Variants in IHH observed in about 807,000 individuals in gnomAD.
IHH encodes indian hedgehog protein.
A neutral mutation model predicts 29.4 loss-of-function variants in IHH; 9 were observed. That is an observed-to-expected ratio of 0.31 (90% CI 0.18 to 0.53). The LOEUF is 0.53. IHH is among the 20% of genes least tolerant of loss of function. The pLI, the probability that IHH is intolerant of heterozygous loss-of-function variation, is 0.95. For synonymous variants in IHH, 254 were observed against 252.7 expected (o/e 1.01, Z -0.05); for missense variants, 454 against 578.1 (o/e 0.79, Z 2.20).
rs1948865953 is a variant in IHH at position 219,059,946 on chromosome 2, A to T, written c.315+207T>A. ...GGGCTTGGCAGCGGGGAGCTCTTCT[A>T]GCAGTCTCCTCCGGGCTTGGGGATG... On this transcript the variant is annotated intron_variant, in intron 1 of 2. Coordinates refer to ENST00000295731, the MANE Select transcript of IHH (RefSeq NM_002181.4). The surrounding 1 kb of genome is among the most constrained non-coding windows in gnomAD (Gnocchi z 4.7). 6.6e-6 allele frequency among the ~76,000 whole-genome samples: 1 copy of T among 152,102 alleles called. No homozygotes were observed. The highest frequency in any genetic ancestry group is 2.4e-5 in the African/African-American group (1 of 41,418).
At chr2:219,058,214 T>C (rs886316572) in intron 1 of IHH, among the ~76,000 whole-genome samples, 3 of 151,878 alleles carry the variant, frequency 2.0e-5, no homozygotes, top group Admixed American at 6.6e-5. Flanking sequence ...CGACAGGCTC[T>C]GGAGGCGCGG....
At position 219,059,566 on chromosome 2, in the gene IHH, G is replaced by C. The variant is rs1948863036; in HGVS notation, c.315+587C>G. ...CTCAGCTCTCCGGACAGACACGTGG[G>C]CTCGCTGGGCAGGTTCCTTTTCCCA... is the stretch of plus-strand genomic sequence containing the variant. On this transcript the variant is annotated intron_variant, in intron 1 of 2. Transcript: ENST00000295731. The surrounding 1 kb of genome is among the most constrained non-coding windows in gnomAD (Gnocchi z 4.7). Among the ~76,000 whole-genome samples, 1 of 152,080 alleles carries C rather than the reference G, an allele frequency of 6.6e-6. No homozygotes were observed. The highest frequency in any genetic ancestry group is 2.1e-4 in the South Asian group (1 of 4,826).
rs1948865245 is a variant in IHH at position 219,059,852 on chromosome 2, G to A, written c.315+301C>T. On this transcript the variant is annotated intron_variant, in intron 1 of 2. Coordinates refer to ENST00000295731, the MANE Select transcript of IHH (RefSeq NM_002181.4). This position sits in a 1 kb window ranked among gnomAD's most constrained non-coding sequence, Gnocchi z 4.7. ...GAGGCAGCCGGGTAGAGGTACCTCC[G>A]GGTGCAGCGTCTGGCTGAGCTGCCA... 6.6e-6 allele frequency among the ~76,000 whole-genome samples: 1 copy of A among 152,220 alleles called. No homozygotes were observed. Among genetic ancestry groups the A allele is most frequent in the Non-Finnish European group, 1.5e-5 (1 of 68,042 alleles).
In IHH at chr2:219,060,272, G is replaced by A. The variant is rs760689652; in HGVS notation, c.196C>T (p.Arg66Cys). 1.2e-6 allele frequency: 2 copies of A among 1,613,494 alleles called. No individual in the cohort carries two copies. Among genetic ancestry groups the A allele is most frequent in the Non-Finnish European group, 1.7e-6 (2 of 1,179,886 alleles). ...CTGCGAGCGATCTTGCCTTCATAGCGTCCGCTGGCGCCCAGGGTCTTCTCG... is the reference window on the plus strand; with the variant it reads ...CTGCGAGCGATCTTGCCTTCATAGCATCCGCTGGCGCCCAGGGTCTTCTCG... Reference protein sequence around the residue: ...VPEKTLGASGRYEGKIARSSE... With the variant: ...VPEKTLGASGCYEGKIARSSE... The change falls in exon 1 of 3, where the codon CGC becomes TGC. Residue 66 changes from arginine to cysteine, a missense_variant. Coordinates refer to ENST00000295731, the MANE Select transcript of IHH (RefSeq NM_002181.4). This position sits in a 1 kb window ranked among gnomAD's most constrained non-coding sequence, Gnocchi z 8.8.
chr2:219,058,961 G>A (rs1487082844), intron 1 of IHH, among the ~76,000 whole-genome samples: 1 of 152,154 alleles, frequency 6.6e-6, no homozygotes. Context: ...TTGCTCCTTC[G>A]TAGACCCTGC....
In IHH at chr2:219,055,125, C is replaced by T. The variant is rs1948817628; in HGVS notation, c.*82G>A. On this transcript the variant is annotated 3_prime_UTR_variant, in exon 3 of 3. Transcript: ENST00000295731. ...GGAGCCAGTGTCCCCCAGCTCAGGT[C>T]CCTTCCAGGGCCAGCTCCCTCCTGG... 3 of 1,450,894 alleles carry T rather than the reference C, an allele frequency of 2.1e-6. No homozygotes were observed. Among genetic ancestry groups the T allele is most frequent in the African/African-American group, 1.4e-5 (1 of 71,018 alleles). The allele number at this position is 1,450,894 out of a possible 1,614,324, so 89.9% of individuals were successfully genotyped here. A position where few individuals can be genotyped will look rare whatever the true frequency, so the allele number is the denominator to read the frequency against.
Position 219,057,694 on chromosome 2 carries a change from G to C in IHH, c.316C>G (p.Arg106Gly). The C allele has an allele frequency of 6.2e-7, 1 of 1,605,720 alleles. No homozygotes were observed. Among genetic ancestry groups the C allele is most frequent in the Non-Finnish European group, 8.5e-7 (1 of 1,179,960 alleles). ...AGCGAGTTCAGGCGGTCCTTGCAGC[G>C]CTGGGAGAGGAATGTGCGCGAAATC... ...NTGADRLMTQ[R>G]CKDRLNSLAI... The change falls in exon 2 of 3, where the codon CGC becomes GGC. Residue 106 changes from arginine (R) to glycine (G), a missense_variant and splice_region_variant. By Grantham distance (125) the Arg-to-Gly change is moderately radical (BLOSUM62 -2). This residue lies in a region of IHH where 70 missense variants were observed against 140.1 expected (regional missense o/e 0.50). Coordinates refer to ENST00000295731, the MANE Select transcript of IHH (RefSeq NM_002181.4).
Position 219,055,124 on chromosome 2 carries a change from T to A in IHH, c.*83A>T, listed in dbSNP as rs538403599. Reference sequence around the variant, plus strand: ...AGGAGCCAGTGTCCCCCAGCTCAGGTCCCTTCCAGGGCCAGCTCCCTCCTG... The same window carrying A: ...AGGAGCCAGTGTCCCCCAGCTCAGGACCCTTCCAGGGCCAGCTCCCTCCTG... On this transcript the variant is annotated 3_prime_UTR_variant, in exon 3 of 3. Transcript: ENST00000295731. 3.1e-3 allele frequency: 4,514 copies of A among 1,443,034 alleles called. 16 individuals are homozygous for A. The highest frequency in any genetic ancestry group is 3.6e-3 in the Non-Finnish European group (3,794 of 1,052,560). 89.4% of individuals were successfully genotyped at this position (1,443,034 alleles called of 1,614,324 possible). A position where few individuals can be genotyped will look rare whatever the true frequency, so the allele number is the denominator to read the frequency against.
intron 2 of IHH, among the ~76,000 whole-genome samples, chr2:219,056,499 T>C (rs1948832275): frequency 6.6e-6 from 1 of 152,082 alleles, no homozygotes; most frequent in African/African-American, 2.4e-5. Context: ...GAGTAATGAA[T>C]GGAAGTGGTT....
chr2:219,059,953 T>C lies in IHH; in HGVS notation c.315+200A>G, dbSNP rs1273265597. On this transcript the variant is annotated intron_variant, in intron 1 of 2. Coordinates refer to ENST00000295731, the MANE Select transcript of IHH (RefSeq NM_002181.4). This position sits in a 1 kb window ranked among gnomAD's most constrained non-coding sequence, Gnocchi z 4.7. ...GCAGCGGGGAGCTCTTCTAGCAGTC[T>C]CCTCCGGGCTTGGGGATGCCGACAC... Among the ~76,000 whole-genome samples the C allele has an allele frequency of 6.6e-6, 1 of 151,982 alleles. No homozygotes were observed. The highest frequency in any genetic ancestry group is 1.5e-5 in the Non-Finnish European group (1 of 67,968).
intron 1 of IHH, among the ~76,000 whole-genome samples, chr2:219,058,449 G>T (rs1047179523): frequency 6.6e-6 from 1 of 152,180 alleles, no homozygotes; most frequent in Non-Finnish European, 1.5e-5. Flanking sequence ...TCTGCAAGGC[G>T]CAAAAGGGGC....
chr2:219,055,906 C>T, intron 2 of IHH, 41 bp from the exon 3 acceptor site: 1 of 1,576,894 alleles, frequency 6.3e-7, no homozygotes, highest in African/African-American at 1.3e-5. Flanking sequence ...TGCTGTGCAG[C>T]TCAGCCTCCT....
At chr2:219,057,758 C>T in intron 1 of IHH, 64 bp from the exon 2 acceptor site, 1 of 1,585,988 alleles carries the variant, frequency 6.3e-7, no homozygotes, top group South Asian at 1.1e-5. Flanking sequence ...GGCCGAGGTG[C>T]AGGTGTAGGC....
chr2:219,056,830 C>A (rs913900929), intron 2 of IHH, among the ~76,000 whole-genome samples: 1 of 152,206 alleles, frequency 6.6e-6, no homozygotes, highest in Non-Finnish European at 1.5e-5. Context: ...CCAGTGCCTG[C>A]CAATTCTGAT....
Position 219,059,978 on chromosome 2 carries a change from C to A in IHH, c.315+175G>T, listed in dbSNP as rs1410961089. Among the ~76,000 whole-genome samples, 1 of 152,162 alleles carries A rather than the reference C, an allele frequency of 6.6e-6. No individual in the cohort carries two copies. Among genetic ancestry groups the A allele is most frequent in the Non-Finnish European group, 1.5e-5 (1 of 68,018 alleles). ...TCCTCCGGGCTTGGGGATGCCGACA[C>A]TCCTGCCTGGACCCCTGGCCAGCCC... On this transcript the variant is annotated intron_variant, in intron 1 of 2. Coordinates refer to ENST00000295731, the MANE Select transcript of IHH (RefSeq NM_002181.4). The surrounding 1 kb of genome is among the most constrained non-coding windows in gnomAD (Gnocchi z 4.7).
chr2:219,057,725 G>C (rs1559179768), intron 1 of IHH, 31 bp from the exon 2 acceptor site: 1 of 1,601,072 alleles, frequency 6.2e-7, no homozygotes, highest in Non-Finnish European at 8.5e-7. Context: ...AAATCAACCA[G>C]AGCGAAATCA....
intron 2 of IHH, among the ~76,000 whole-genome samples, chr2:219,056,336 A>G (rs1231485075): frequency 6.6e-6 from 1 of 152,028 alleles, no homozygotes; most frequent in East Asian, 1.9e-4. Context: ...GCAAAGGCAG[A>G]CTCCTGGGCA....
chr2:219,054,520 G>A lies in IHH; in HGVS notation c.*687C>T, dbSNP rs2106306338. 1 of 152,718 alleles carries A rather than the reference G, an allele frequency of 6.5e-6. No homozygotes were observed. The highest frequency in any genetic ancestry group is 2.4e-5 in the African/African-American group (1 of 41,518). 9.5% of individuals were successfully genotyped at this position (152,718 alleles called of 1,614,324 possible). A position where few individuals can be genotyped will look rare whatever the true frequency, so the allele number is the denominator to read the frequency against. ...CTTCCCCCTCCACTCCAATAAATAA[G>A]GTATGGGAGACTGACCGGCGGAGGG... On this transcript the variant is annotated 3_prime_UTR_variant, in exon 3 of 3. Transcript: ENST00000295731.
intron 1 of IHH, chr2:219,058,809 C>T (rs142712042): frequency 6.4e-6 from 1 of 155,266 alleles, no homozygotes; most frequent in Non-Finnish European, 1.5e-5. Flanking sequence ...CAACCTACCC[C>T]CACCCTGCAG....
Sources: allele counts gnomAD v4.1 joint callset (sites outside exome capture counted in the v4.1 genomes callset), GRCh38; gene constraint gnomAD v4.1.1; regional missense constraint gnomAD v4.1.1; non-coding constraint Gnocchi (gnomAD v3.1); transcripts MANE v1.5; gene names NCBI Gene and HGNC (gene_info 2026-07-23, HGNC 2026-07-21).